Variants in ATP2C2 observed in about 807,000 individuals in gnomAD.
The protein encoded by ATP2C2 is calcium-transporting ATPase type 2C member 2.
A neutral mutation model predicts 110.8 loss-of-function variants in ATP2C2; 171 were observed. The ratio of observed to expected loss-of-function variants is 1.54; its 90% CI spans 1.36 to 1.75. The LOEUF is 1.75. Among genes scored for constraint, ATP2C2 ranks in the 40% most tolerant of loss-of-function variants. The pLI is 0.00. For synonymous variants in ATP2C2, 804 were observed against 508.4 expected, an observed-to-expected ratio of 1.58 and a Z score of -7.82; for missense variants, 1,963 against 1,235.0, an observed-to-expected ratio of 1.59 and a Z score of -8.84.
At chr16:84,451,364 T>C (rs1025972689) in intron 17 of ATP2C2, among the ~76,000 whole-genome samples, 2 of 152,174 alleles carry the variant, frequency 1.3e-5, no homozygotes, top group African/African-American at 4.8e-5. Context: ...AGCCAAACCA[T>C]ATCAAGCAGA....
At chr16:84,372,119 G>A (rs892995398) in intron 1 of ATP2C2, among the ~76,000 whole-genome samples, 1 of 152,184 alleles carries the variant, frequency 6.6e-6, no homozygotes. Context: ...GAGGAGGGTC[G>A]TACGGAGCCT....
At chr16:84,443,937 C>A (rs984096526) in intron 15 of ATP2C2, among the ~76,000 whole-genome samples, 1 of 152,112 alleles carries the variant, frequency 6.6e-6, no homozygotes, top group East Asian at 1.9e-4. Context: ...GAGGCTAAGG[C>A]GGGAGGATCA....
intron 6 of ATP2C2, among the ~76,000 whole-genome samples, chr16:84,411,841 G>A (rs1393543204): frequency 6.6e-6 from 1 of 152,232 alleles, no homozygotes; most frequent in Admixed American, 6.5e-5. Context: ...TAGAACATCT[G>A]CGGGGGCCCT....
chr16:84,452,145 A>T, intron 18 of ATP2C2, 54 bp downstream of exon 18: 1 of 1,597,240 alleles, frequency 6.3e-7, no homozygotes, highest in Non-Finnish European at 8.5e-7. Context: ...ATCCTTTACG[A>T]TGGGGGGCTG....
Position 84,462,847 on chromosome 16 carries a change from T to C in ATP2C2, c.2722+718T>C, listed in dbSNP as rs149370417. Reference sequence around the variant, plus strand: ...GCCTCCCCGCCGGCAGGGCCCAGAGTGGGTCATGGCTCAGATCTGGAGGGT... The same window carrying C: ...GCCTCCCCGCCGGCAGGGCCCAGAGCGGGTCATGGCTCAGATCTGGAGGGT... On this transcript the variant is annotated intron_variant, in intron 26 of 26. Coordinates refer to ENST00000262429, the MANE Select transcript of ATP2C2 (RefSeq NM_014861.4). The C allele has an allele frequency of 6.9e-3, 1,056 of 152,904 alleles. 14 individuals carry two copies. The highest frequency in any genetic ancestry group is 0.024 in the African/African-American group (990 of 41,504). 9.5% of individuals were successfully genotyped at this position (152,904 alleles called of 1,614,324 possible).
chr16:84,430,821 C>A (rs1908209731), intron 11 of ATP2C2, among the ~76,000 whole-genome samples: 1 of 151,994 alleles, frequency 6.6e-6, no homozygotes, highest in Non-Finnish European at 1.5e-5. Context: ...TACACTAGCA[C>A]AACTTATGGG....
intron 2 of ATP2C2, among the ~76,000 whole-genome samples, chr16:84,399,147 TGTGCACAC>T (rs1162660368): frequency 2.6e-5 from 4 of 152,190 alleles, no homozygotes; most frequent in Non-Finnish European, 5.9e-5. Context: ...AGTGTGTGTG[TGTGCACAC>T]GTGCGTGCAC....
chr16:84,392,334 C>T (rs907777967), intron 1 of ATP2C2, among the ~76,000 whole-genome samples: 1 of 151,986 alleles, frequency 6.6e-6, no homozygotes, highest in African/African-American at 2.4e-5. Flanking sequence ...AAATATTGGC[C>T]AATATTGAGG....
At chr16:84,455,342 G>A (rs1461907244) in intron 21 of ATP2C2, among the ~76,000 whole-genome samples, 2 of 152,160 alleles carry the variant, frequency 1.3e-5, no homozygotes, top group South Asian at 4.1e-4. Context: ...AAAACCTGTG[G>A]CCAAATACGT....
intron 1 of ATP2C2, among the ~76,000 whole-genome samples, chr16:84,380,200 A>G (rs901694652): frequency 1.3e-5 from 2 of 151,988 alleles, no homozygotes; most frequent in African/African-American, 4.8e-5. Flanking sequence ...AGCAACACCT[A>G]TCTCACCAGG....
chr16:84,411,051 A>G (rs536587934), intron 6 of ATP2C2: 4 of 505,276 alleles, frequency 7.9e-6, no homozygotes, highest in East Asian at 3.7e-5. Flanking sequence ...AGGGTAGCCC[A>G]CAAAGCCTGT....
At chr16:84,451,370 G>C (rs1910245000) in intron 17 of ATP2C2, among the ~76,000 whole-genome samples, 1 of 152,176 alleles carries the variant, frequency 6.6e-6, no homozygotes, top group South Asian at 2.1e-4. Flanking sequence ...ACCATATCAA[G>C]CAGACAGCAG....
In ATP2C2 at chr16:84,442,613, G is replaced by A; in HGVS notation, c.1401+14G>A. 1 of 1,612,804 alleles carries A rather than the reference G, an allele frequency of 6.2e-7. No homozygotes were observed. Among genetic ancestry groups the A allele is most frequent in the Non-Finnish European group, 8.5e-7 (1 of 1,178,994 alleles). The stretch of plus-strand genomic sequence containing the variant: ...CTGGCGATGAAGGTAGGAGGTCCTG[G>A]GGTGGCTCTGCGGGGAATTCTTTCG... On this transcript the variant is annotated intron_variant, in intron 15 of 26. Transcript: ENST00000262429.
chr16:84,386,601 G>A (rs1408504408), intron 1 of ATP2C2, among the ~76,000 whole-genome samples: 1 of 152,114 alleles, frequency 6.6e-6, no homozygotes, highest in African/African-American at 2.4e-5. Context: ...CTTGCTCGCT[G>A]GTGTCACACT....
intron 1 of ATP2C2, 146 bp from the exon 2 acceptor site, chr16:84,398,353 C>T: frequency 2.6e-6 from 1 of 388,978 alleles, no homozygotes; most frequent in Non-Finnish European, 4.4e-6. Context: ...TTGTGGTGAG[C>T]TGAGATCATG....
At chr16:84,416,165 AG>A (rs1399418206) in intron 7 of ATP2C2, among the ~76,000 whole-genome samples, 1 of 152,164 alleles carries the variant, frequency 6.6e-6, no homozygotes, top group African/African-American at 2.4e-5. Flanking sequence ...CAGAGCGAGA[AG>A]CACACGCTTT....
chr16:84,430,298 C>G (rs550412697), intron 11 of ATP2C2, among the ~76,000 whole-genome samples: 1 of 152,162 alleles, frequency 6.6e-6, no homozygotes, highest in African/African-American at 2.4e-5. Flanking sequence ...GAAGACCCGT[C>G]TACGCGAACG....
intron 2 of ATP2C2, among the ~76,000 whole-genome samples, chr16:84,400,963 T>C (rs1181338355): frequency 6.6e-6 from 1 of 152,228 alleles, no homozygotes; most frequent in Non-Finnish European, 1.5e-5. Flanking sequence ...ACATTCTGGT[T>C]ATTAATCCCG....
At chr16:84,452,137 C>G (rs776988410) in intron 18 of ATP2C2, 46 bp downstream of exon 18, 6 of 1,604,638 alleles carry the variant, frequency 3.7e-6, no homozygotes, top group Non-Finnish European at 5.1e-6. Context: ...ACCCATCCAT[C>G]CTTTACGATG....
Sources: gnomAD v4.1 joint callset for allele counts (sites outside exome capture counted in the v4.1 genomes callset) on GRCh38, gnomAD v4.1.1 for gene constraint, MANE v1.5 for transcripts, NCBI Gene and HGNC (gene_info 2026-07-23, HGNC 2026-07-21) for gene names.